TENM3: variants seen among roughly 807,000 people sequenced by gnomAD.
TENM3 encodes the protein teneurin transmembrane protein 3.
A neutral mutation model predicts 255.1 loss-of-function variants in TENM3; 63 were observed. That is an observed-to-expected ratio of 0.25 (90% CI 0.20 to 0.30). The LOEUF is 0.30. TENM3 is among the 10% of genes least tolerant of loss of function. The pLI is 1.00. For missense variants in TENM3, 2,929 were observed against 3,461.1 expected (o/e 0.85, Z 3.86); for synonymous variants, 1,306 against 1,322.3 (o/e 0.99, Z 0.27).
chr4:182,259,230 A>T (rs900311310), intron 1 of TENM3, among the ~76,000 whole-genome samples: 1 of 152,190 alleles, frequency 6.6e-6, no homozygotes, highest in African/African-American at 2.4e-5. Flanking sequence ...TTAGCTTTCC[A>T]CAGATAATTT....
At position 182,736,791 on chromosome 4, in the gene TENM3, G is replaced by C. The variant is rs1761207687; in HGVS notation, c.2968-17G>C. ...TACGTGATCACAGTTTGAAACTTCT[G>C]CTTTATTCAAACTTAGGTACTCCAC... On this transcript the variant is annotated splice_polypyrimidine_tract_variant and intron_variant, in intron 16 of 27. Transcript: ENST00000511685. 1.9e-6 allele frequency: 3 copies of C among 1,605,348 alleles called. No individual in the cohort carries two copies. Among genetic ancestry groups the C allele is most frequent in the African/African-American group, 2.7e-5 (2 of 74,462 alleles).
At chr4:182,358,446 G>A (rs375704435) in intron 3 of TENM3, among the ~76,000 whole-genome samples, 1 of 151,414 alleles carries the variant, frequency 6.6e-6, no homozygotes, top group African/African-American at 2.4e-5. Context: ...CCCTTGTAAG[G>A]TGGATTCCTA....
At chr4:181,719,171 AGT>A in the TENM3 span, among the ~76,000 whole-genome samples, 8 of 151,788 alleles carry the variant, frequency 5.3e-5, no homozygotes, top group African/African-American at 1.2e-4. Flanking sequence ...GCGCCACTGC[AGT>A]CCGCAGTCCG....
intron 1 of TENM3, among the ~76,000 whole-genome samples, chr4:182,226,027 A>G (rs887727482): frequency 4.6e-5 from 7 of 152,152 alleles, no homozygotes; most frequent in Admixed American, 3.9e-4. Context: ...ATTTTATAAT[A>G]TAGCTAGAAC....
the TENM3 span, among the ~76,000 whole-genome samples, chr4:181,741,045 T>C: frequency 1.2e-4 from 18 of 152,302 alleles, no homozygotes; most frequent in East Asian, 3.5e-3. Flanking sequence ...AAATATAAAA[T>C]GCTTTTAGCA....
chr4:181,730,209 G>A, the TENM3 span, among the ~76,000 whole-genome samples: 296 of 152,246 alleles, frequency 1.9e-3, 1 homozygote, highest in African/African-American at 6.9e-3. Flanking sequence ...GTGCACTTTG[G>A]GGCAGGGTTT....
chr4:181,798,084 A>G, the TENM3 span, among the ~76,000 whole-genome samples: 3 of 95,922 alleles, frequency 3.1e-5, no homozygotes, highest in African/African-American at 1.4e-4. Context: ...CGCATATTTC[A>G]AAATAAGTGT....
chr4:182,126,851 G>A, the TENM3 span, among the ~76,000 whole-genome samples: 1 of 152,154 alleles, frequency 6.6e-6, no homozygotes. Context: ...GCCCAGGCAA[G>A]CCCAAGAACT....
the TENM3 span, among the ~76,000 whole-genome samples, chr4:182,085,846 G>A: frequency 6.6e-6 from 1 of 152,138 alleles, no homozygotes; most frequent in Non-Finnish European, 1.5e-5. Flanking sequence ...TTTCTACTCA[G>A]TATTAAAAAC....
chr4:182,263,170 G>A (rs1437552099), intron 1 of TENM3, among the ~76,000 whole-genome samples: 2 of 152,062 alleles, frequency 1.3e-5, no homozygotes, highest in Non-Finnish European at 2.9e-5. Context: ...GCGGGGTCAG[G>A]GGTTGTTGGG....
At chr4:182,153,315 G>C (rs1409762241) in intron 1 of TENM3, among the ~76,000 whole-genome samples, 2 of 151,954 alleles carry the variant, frequency 1.3e-5, no homozygotes, top group African/African-American at 4.8e-5. Flanking sequence ...AATCCATACA[G>C]ATAACAAAAA....
the TENM3 span, among the ~76,000 whole-genome samples, chr4:181,871,239 A>C: frequency 5.3e-5 from 8 of 151,962 alleles, no homozygotes; most frequent in African/African-American, 1.9e-4. Flanking sequence ...GATCCTTTAC[A>C]ATTCCATATA....
At chr4:182,337,720 T>G (rs777837296) in intron 2 of TENM3, among the ~76,000 whole-genome samples, 33 of 152,202 alleles carry the variant, frequency 2.2e-4, no homozygotes, top group Non-Finnish European at 4.6e-4. Context: ...CATAGCAGCT[T>G]TATTCATAAT....
At chr4:181,605,568 A>AAGAAAGAAAGAGAGAGAGAG in the TENM3 span, among the ~76,000 whole-genome samples, 49 of 42,200 alleles carry the variant, frequency 1.2e-3, 9 homozygotes, top group African/African-American at 4.2e-3. Flanking sequence ...GAAAGAAAGA[A>AAGAAAGAAAGAGAGAGAGAG]AGAGAGAGAA....
Position 182,546,774 on chromosome 4 carries a change from A to C in TENM3, c.512-54150A>C, listed in dbSNP as rs540403571. ...CCACAGATAATCCTGAAAATGGACA[A>C]GTTGCTTATGGATAATCAAAAGTGT... On this transcript the variant is annotated intron_variant, in intron 3 of 27. Coordinates refer to ENST00000511685, the MANE Select transcript of TENM3 (RefSeq NM_001080477.4). Among the ~76,000 whole-genome samples the C allele has an allele frequency of 1.2e-3, 179 of 152,282 alleles. 2 individuals are homozygous for C. Among genetic ancestry groups the C allele is most frequent in the African/African-American group, 4.1e-3 (172 of 41,524 alleles).
At chr4:182,241,700 G>A (rs1471382997), upstream of TENM3, among the ~76,000 whole-genome samples, 7 of 143,444 alleles carry the variant, frequency 4.9e-5, no homozygotes, top group Non-Finnish European at 1.1e-4. Context: ...AGTAGAGACG[G>A]GTTTTCCCAT....
chr4:181,752,320 C>T, the TENM3 span, among the ~76,000 whole-genome samples: 7 of 152,208 alleles, frequency 4.6e-5, no homozygotes, highest in South Asian at 8.3e-4. Flanking sequence ...GAGGCCGAGG[C>T]GGGCAGATCT....
At chr4:182,613,373 TA>T (rs1179312643) in intron 4 of TENM3, among the ~76,000 whole-genome samples, 2 of 152,184 alleles carry the variant, frequency 1.3e-5, no homozygotes, top group Non-Finnish European at 2.9e-5. Flanking sequence ...TGGCTAAAAA[TA>T]TTTTTTTGTA....
At chr4:182,262,898 A>C (rs938833059) in intron 1 of TENM3, among the ~76,000 whole-genome samples, 1 of 151,852 alleles carries the variant, frequency 6.6e-6, no homozygotes, top group Admixed American at 6.6e-5. Flanking sequence ...TATTTTTAGT[A>C]GAGACGGGGT....
Sources: allele counts gnomAD v4.1 joint callset (sites outside exome capture counted in the v4.1 genomes callset), GRCh38; gene constraint gnomAD v4.1.1; transcripts MANE v1.5; gene names NCBI Gene and HGNC (gene_info 2026-07-23, HGNC 2026-07-21).